The following RIMS1 variants were observed in gnomAD, a reference collection of about 807,000 sequenced individuals.
RIMS1 encodes regulating synaptic membrane exocytosis protein 1.
Under a neutral mutation model 214.1 loss-of-function variants are expected in RIMS1, and 83 were observed. That is an observed-to-expected ratio of 0.39 (90% CI 0.32 to 0.47). The LOEUF (loss-of-function observed/expected upper bound fraction) is 0.47. RIMS1 is among the 20% of genes least tolerant of loss of function. RIMS1 has a pLI of 0.99. For synonymous variants in RIMS1, 793 were observed against 786.8 expected, an observed-to-expected ratio of 1.01 and a Z score of -0.13; for missense variants, 2,050 against 2,161.8, an observed-to-expected ratio of 0.95 and a Z score of 1.03.
chr6:72,348,283 TA>T (rs1444623696), intron 29 of RIMS1, among the ~76,000 whole-genome samples: 1 of 151,884 alleles, frequency 6.6e-6, no homozygotes, highest in Non-Finnish European at 1.5e-5. Context: ...AAATCCAAAA[TA>T]AAGTATTCAT....
Position 72,399,036 on chromosome 6 carries a change from A to G in RIMS1, c.4802A>G (p.Asp1601Gly). Residue 1601 changes from aspartate to glycine, a missense_variant, in exon 33 of 34, where the codon GAT becomes GGT. Around this residue, in one of 6 missense-constraint regions of RIMS1, gnomAD observed 121 missense variants for 187.3 expected, o/e 0.65. Coordinates refer to ENST00000521978, the MANE Select transcript of RIMS1 (RefSeq NM_014989.7). ...ACAAGAATTGCACGAAAAACCCTTG[A>G]TCCTTTGTATCAGCAGTCTCTGGTT... is the stretch of plus-strand genomic sequence containing the variant. ...KKTRIARKTL[D>G]PLYQQSLVFD... 6.2e-7 allele frequency: 1 copy of G among 1,610,422 alleles called. No individual in the cohort carries two copies. The highest frequency in any genetic ancestry group is 8.5e-7 in the Non-Finnish European group (1 of 1,177,762).
intron 1 of RIMS1, among the ~76,000 whole-genome samples, chr6:71,895,300 T>C (rs556457278): frequency 5.3e-4 from 80 of 152,266 alleles, no homozygotes; most frequent in African/African-American, 1.9e-3. Context: ...TATTTTAAAG[T>C]TGTAAGTTAT....
intron 18 of RIMS1, 69 bp from the exon 19 acceptor site, chr6:72,260,636 G>A: frequency 6.3e-7 from 1 of 1,583,066 alleles, no homozygotes. Flanking sequence ...GTTTTCATTG[G>A]CATACCATTG....
intron 5 of RIMS1, among the ~76,000 whole-genome samples, chr6:72,181,997 A>T (rs376286273): frequency 6.6e-6 from 1 of 152,214 alleles, no homozygotes; most frequent in African/African-American, 2.4e-5. Flanking sequence ...AAGTAAATTG[A>T]TTCAATGTAA....
chr6:72,046,870 T>TA (rs1289022177), intron 2 of RIMS1, among the ~76,000 whole-genome samples: 2 of 152,148 alleles, frequency 1.3e-5, no homozygotes, highest in South Asian at 2.1e-4. Context: ...TAGTGTTATA[T>TA]AAAAAACTAC....
In RIMS1 at chr6:72,290,846, C is replaced by A. The variant is rs368091499; in HGVS notation, c.3722C>A (p.Ser1241Tyr). Residue 1241 changes from serine (S) to tyrosine (Y), a missense_variant, in exon 25 of 34, where the codon TCT (serine) becomes TAT (tyrosine). Ser to Tyr is a moderately radical substitution (Grantham distance 144). Coordinates refer to ENST00000521978, the MANE Select transcript of RIMS1 (RefSeq NM_014989.7). ...HLVPGGSAPP[S>Y]PLLTRMHRQR... ...GTCCCTGGAGGGTCGGCGCCACCTTCTCCGCTTCTGACAAGGTCGCTATTC... is the reference window on the plus strand; with the variant it reads ...GTCCCTGGAGGGTCGGCGCCACCTTATCCGCTTCTGACAAGGTCGCTATTC... 4 of 1,612,386 alleles carry A rather than the reference C, an allele frequency of 2.5e-6. No individual in the cohort carries two copies. In the African/African-American group the frequency reaches 4.0e-5, roughly 16 times the overall value.
chr6:72,085,937 G>A (rs1217154189), intron 2 of RIMS1, among the ~76,000 whole-genome samples: 1 of 152,094 alleles, frequency 6.6e-6, no homozygotes, highest in African/African-American at 2.4e-5. Context: ...CTTATGTAAG[G>A]CACATAAAGC....
At chr6:71,971,714 A>G (rs1795907325) in intron 2 of RIMS1, among the ~76,000 whole-genome samples, 1 of 152,164 alleles carries the variant, frequency 6.6e-6, no homozygotes, top group South Asian at 2.1e-4. Flanking sequence ...GCAGCAGACA[A>G]GAGAAGAGCT....
intron 2 of RIMS1, among the ~76,000 whole-genome samples, chr6:71,972,820 T>C (rs978553253): frequency 6.6e-6 from 1 of 152,182 alleles, no homozygotes; most frequent in Non-Finnish European, 1.5e-5. Context: ...ATAAATACAA[T>C]ACTAAAATGC....
At chr6:72,264,760 T>A (rs972746585) in intron 19 of RIMS1, among the ~76,000 whole-genome samples, 2 of 152,166 alleles carry the variant, frequency 1.3e-5, no homozygotes, top group Non-Finnish European at 2.9e-5. Context: ...AATTAAATAA[T>A]AATTTTGAGT....
At chr6:71,902,929 G>C (rs1774141447) in intron 1 of RIMS1, among the ~76,000 whole-genome samples, 1 of 152,092 alleles carries the variant, frequency 6.6e-6, no homozygotes. Context: ...GTCTATCACT[G>C]GTGGCCATTT....
At chr6:72,129,742 C>A (rs370972273) in intron 4 of RIMS1, among the ~76,000 whole-genome samples, 1 of 151,364 alleles carries the variant, frequency 6.6e-6, no homozygotes, top group Non-Finnish European at 1.5e-5. Flanking sequence ...AAAAAAAAAA[C>A]GGACAGTTCA....
chr6:72,250,338 G>A lies in RIMS1; in HGVS notation c.2250G>A (p.Leu750=). The change falls in exon 13 of 34, where the codon TTG becomes TTA. Residue 750 remains leucine, a synonymous_variant. Transcript: ENST00000521978. ...QVLPGQLSVK[L]WYDKVGHQLI... ...TTCCTCATTGCTCCTAGGTGAAGTT[G>A]TGGTATGATAAAGTGGGACACCAGC... The A allele has an allele frequency of 6.2e-7, 1 of 1,607,298 alleles. No individual in the cohort carries two copies. The highest frequency in any genetic ancestry group is 8.5e-7 in the Non-Finnish European group (1 of 1,177,316).
Position 72,263,514 on chromosome 6 carries a change from G to A in RIMS1, c.3117-1461G>A, listed in dbSNP as rs185432591. On this transcript the variant is annotated intron_variant, in intron 19 of 33. Coordinates refer to ENST00000521978, the MANE Select transcript of RIMS1 (RefSeq NM_014989.7). ...TGAACATTCAGACTATAAATTTTGT[G>A]CTATTTTCTAGCTGTTTCCCATTCT... is the stretch of plus-strand genomic sequence containing the variant. 1.9e-4 allele frequency: 190 copies of A among 984,972 alleles called. No homozygotes were observed. The African/African-American group carries it at 3.1e-3, about 16-fold the overall frequency. 61.0% of individuals were successfully genotyped at this position (984,972 alleles called of 1,614,324 possible).
Position 72,182,806 on chromosome 6 carries a change from G to A in RIMS1, c.1335G>A (p.Thr445=), listed in dbSNP as rs1224473981. ...ETRAPGAKQL[T]NHSPPAPRHG... ...GGGCGCCGGGCGCCAAGCAGCTAAC[G>A]AACCACAGCCCGCCGGCGCCCAGAC... The change falls in exon 6 of 34, where the codon ACG becomes ACA. Residue 445 remains threonine, a synonymous_variant. Coordinates refer to ENST00000521978, the MANE Select transcript of RIMS1 (RefSeq NM_014989.7). 2 of 1,548,788 alleles carry A rather than the reference G, an allele frequency of 1.3e-6. No homozygotes were observed. The highest frequency in any genetic ancestry group is 1.7e-6 in the Non-Finnish European group (2 of 1,150,412).
intron 29 of RIMS1, among the ~76,000 whole-genome samples, chr6:72,348,844 A>G (rs2097352470): frequency 1.3e-5 from 2 of 152,006 alleles, no homozygotes; most frequent in South Asian, 4.1e-4. Context: ...GAAAGATAAA[A>G]ATGTACATTT....
chr6:72,168,182 G>C (rs1397686569), intron 4 of RIMS1, among the ~76,000 whole-genome samples: 6 of 152,180 alleles, frequency 3.9e-5, no homozygotes, highest in Admixed American at 3.9e-4. Context: ...ATTGGGGAAA[G>C]GGTGTTAGCA....
At chr6:72,043,669 G>A (rs36091661) in intron 2 of RIMS1, among the ~76,000 whole-genome samples, 184 of 151,320 alleles carry the variant, frequency 1.2e-3, no homozygotes, top group Non-Finnish European at 2.2e-3. Context: ...AAATGCTAAT[G>A]TACTATTAAC....
intron 15 of RIMS1, 29 bp downstream of exon 15, chr6:72,251,397 A>G: frequency 4.0e-6 from 6 of 1,504,178 alleles, no homozygotes; most frequent in Non-Finnish European, 5.4e-6. Context: ...AGTTGCCACA[A>G]AGTAATTATG....
Sources: allele counts gnomAD v4.1 joint callset (sites outside exome capture counted in the v4.1 genomes callset), GRCh38; gene constraint gnomAD v4.1.1; regional missense constraint gnomAD v4.1.1; transcripts MANE v1.5; gene names NCBI Gene and HGNC (gene_info 2026-07-23, HGNC 2026-07-21).